The following NEBL variants were observed in gnomAD, a reference collection of about 807,000 sequenced individuals.
NEBL encodes the protein nebulette.
NEBL carries 122 observed loss-of-function variants against 140.2 expected under a neutral mutation model. That is an observed-to-expected ratio of 0.87 (90% CI 0.75 to 1.01). The LOEUF (loss-of-function observed/expected upper bound fraction) is 1.01, where lower values mean the gene tolerates loss of function less well. Ranked by LOEUF, NEBL falls within the 50% of genes least tolerant of loss-of-function variation. NEBL has a pLI of 0.00. For missense variants in NEBL, 1,365 were observed against 1,231.3 expected (o/e 1.11, Z -1.62); for synonymous variants, 436 against 398.9 (o/e 1.09, Z -1.11).
rs1846703444 is a variant in NEBL at position 20,888,223 on chromosome 10, A to AC, written c.259-17dup. The AC allele has an allele frequency of 7.1e-7, 1 of 1,410,972 alleles. No homozygotes were observed. Among genetic ancestry groups the AC allele is most frequent in the African/African-American group, 1.6e-5 (1 of 60,704 alleles). 87.4% of individuals were successfully genotyped at this position (1,410,972 alleles called of 1,614,324 possible). A position where few individuals can be genotyped will look rare whatever the true frequency, so the allele number is the denominator to read the frequency against. On this transcript the variant is annotated splice_polypyrimidine_tract_variant and intron_variant, in intron 3 of 27. Coordinates refer to ENST00000377122, the MANE Select transcript of NEBL (RefSeq NM_006393.3). ...TGTATTTTGCCTGGGGGAAAAAAAAACAGGAAAAAAATAAATAAATAAACT... is the reference window on the plus strand; with the variant it reads ...TGTATTTTGCCTGGGGGAAAAAAAAACCAGGAAAAAAATAAATAAATAAACT...
At chr10:20,943,428 C>T (rs763741111) in intron 4 of NEBL, among the ~76,000 whole-genome samples, 4 of 152,054 alleles carry the variant, frequency 2.6e-5, no homozygotes, top group Admixed American at 6.6e-5. Context: ...CATCACACAC[C>T]GCGGCCTGTG....
At chr10:21,235,742 C>T (rs1842339875) in intron 3 of NEBL, among the ~76,000 whole-genome samples, 1 of 152,178 alleles carries the variant, frequency 6.6e-6, no homozygotes, top group Non-Finnish European at 1.5e-5. Flanking sequence ...TGATAACATT[C>T]TTATAGATTT....
intron 19 of NEBL, among the ~76,000 whole-genome samples, chr10:20,821,174 C>T (rs1839277031): frequency 6.6e-6 from 1 of 152,174 alleles, no homozygotes; most frequent in South Asian, 2.1e-4. Context: ...ACTCTTACTG[C>T]CAATTTCTAG....
At chr10:21,204,400 G>T (rs1272324748) in intron 3 of NEBL, among the ~76,000 whole-genome samples, 1 of 152,170 alleles carries the variant, frequency 6.6e-6, no homozygotes, top group Non-Finnish European at 1.5e-5. Flanking sequence ...TAATGTCATT[G>T]TAAGAAGAGA....
At chr10:20,982,930 G>A (rs1299952178) in intron 3 of NEBL, among the ~76,000 whole-genome samples, 6 of 152,092 alleles carry the variant, frequency 3.9e-5, no homozygotes, top group Admixed American at 3.9e-4. Context: ...ATCACAGTAA[G>A]ACCTCAGAAC....
chr10:20,963,111 G>A (rs1028358077), intron 3 of NEBL, among the ~76,000 whole-genome samples: 3 of 150,460 alleles, frequency 2.0e-5, no homozygotes, highest in Non-Finnish European at 4.4e-5. Flanking sequence ...CTGTACTTTC[G>A]ATTTGTAAAA....
chr10:20,950,823 T>C (rs1336927642), intron 4 of NEBL, among the ~76,000 whole-genome samples: 1 of 152,220 alleles, frequency 6.6e-6, no homozygotes, highest in African/African-American at 2.4e-5. Flanking sequence ...AAAATGACAG[T>C]GTTAAGAATA....
At chr10:20,950,240 C>G (rs1008757888) in intron 4 of NEBL, among the ~76,000 whole-genome samples, 1 of 152,204 alleles carries the variant, frequency 6.6e-6, no homozygotes, top group Non-Finnish European at 1.5e-5. Flanking sequence ...ATAGTAAACA[C>G]TTTAAAACAT....
At chr10:21,169,049 CAAAA>C (rs147147865) in intron 2 of NEBL, among the ~76,000 whole-genome samples, 332 of 25,364 alleles carry the variant, frequency 0.013, no homozygotes, top group East Asian at 0.042. Context: ...ACTCCGTCTA[CAAAA>C]AAAAAAAAAA....
chr10:20,975,087 G>A (rs777536065), intron 3 of NEBL, among the ~76,000 whole-genome samples: 1 of 152,120 alleles, frequency 6.6e-6, no homozygotes, highest in East Asian at 1.9e-4. Context: ...CGGGCTCCAA[G>A]CAAGTCCAGT....
In NEBL at chr10:20,829,652, C is replaced by T. The variant is rs141118366; in HGVS notation, c.1672-1018G>A. On this transcript the variant is annotated intron_variant, in intron 16 of 27. Transcript: ENST00000377122. The stretch of plus-strand genomic sequence containing the variant: ...TGTTGAAATGCACCAGGCTTCATTA[C>T]ACCCTCGTAAGTATCCCAATTGTAT... Among the ~76,000 whole-genome samples the T allele has an allele frequency of 2.3e-3, 344 of 152,150 alleles. 4 individuals carry two copies. The highest frequency in any genetic ancestry group is 0.017 in the Middle Eastern group (5 of 294).
intron 2 of NEBL, among the ~76,000 whole-genome samples, chr10:21,074,843 G>T (rs1286707465): frequency 6.6e-6 from 1 of 151,562 alleles, no homozygotes; most frequent in Non-Finnish European, 1.5e-5. Flanking sequence ...TCACTCTGTT[G>T]CCCAGGCTGG....
intron 2 of NEBL, among the ~76,000 whole-genome samples, chr10:21,141,981 G>C (rs1168538275): frequency 2.0e-5 from 3 of 152,072 alleles, no homozygotes; most frequent in Non-Finnish European, 2.9e-5. Context: ...TATCCTTCTA[G>C]GTAGAAGACA....
chr10:21,117,252 A>C (rs1264946247), intron 2 of NEBL, among the ~76,000 whole-genome samples: 2 of 151,806 alleles, frequency 1.3e-5, no homozygotes, highest in South Asian at 4.2e-4. Flanking sequence ...GAAAAAAAAA[A>C]ACAAACTATT....
chr10:20,981,779 G>A (rs1837054705), intron 3 of NEBL, among the ~76,000 whole-genome samples: 1 of 152,144 alleles, frequency 6.6e-6, no homozygotes, highest in Admixed American at 6.5e-5. Flanking sequence ...CGACCATGAG[G>A]TAAGCCTGCC....
chr10:21,122,002 G>GGTGGTTGTTGTT (rs148422933), intron 2 of NEBL, among the ~76,000 whole-genome samples: 7 of 149,434 alleles, frequency 4.7e-5, no homozygotes, highest in African/African-American at 1.2e-4. Flanking sequence ...GATTTCTCCT[G>GGTGGTTGTTGTT]GTTGTTGTTG....
intron 2 of NEBL, among the ~76,000 whole-genome samples, chr10:21,114,447 A>G (rs781190737): frequency 6.6e-6 from 1 of 152,028 alleles, no homozygotes; most frequent in South Asian, 2.1e-4. Context: ...CATGTTGATT[A>G]TAGTGTTGTT....
At chr10:21,002,264 T>C (rs571213003) in intron 3 of NEBL, among the ~76,000 whole-genome samples, 9 of 152,236 alleles carry the variant, frequency 5.9e-5, no homozygotes, top group African/African-American at 2.2e-4. Flanking sequence ...TAAATAATTG[T>C]AGCAGAACTT....
intron 9 of NEBL, among the ~76,000 whole-genome samples, chr10:20,857,301 C>T: frequency 6.6e-6 from 1 of 152,156 alleles, no homozygotes; most frequent in East Asian, 1.9e-4. Context: ...GCTGTATCTC[C>T]TTATTTAACT....
Sources: gnomAD v4.1 joint callset for allele counts (sites outside exome capture counted in the v4.1 genomes callset) on GRCh38, gnomAD v4.1.1 for gene constraint, MANE v1.5 for transcripts, NCBI Gene and HGNC (gene_info 2026-07-23, HGNC 2026-07-21) for gene names.